The following FMN1 variants were observed in gnomAD, a reference collection of about 807,000 sequenced individuals.
FMN1 encodes formin 1, also known as formin-1.
In FMN1, 110 loss-of-function variants were observed where a neutral mutation model predicts 132.4. That is an observed-to-expected ratio of 0.83 (90% confidence interval 0.71 to 0.97). The LOEUF (loss-of-function observed/expected upper bound fraction) is 0.97. FMN1 is among the 50% of genes least tolerant of loss of function. The probability of loss-of-function intolerance (pLI) is 0.00; values close to 1 mark genes in which losing one functional copy is unlikely to be tolerated. For missense variants in FMN1, 1,792 were observed against 1,705.3 expected, an observed-to-expected ratio of 1.05 and a Z score of -0.90; for synonymous variants, 722 against 651.7, an observed-to-expected ratio of 1.11 and a Z score of -1.64.
intron 6 of FMN1, among the ~76,000 whole-genome samples, chr15:33,061,084 G>A (rs1270541890): frequency 6.6e-6 from 1 of 152,202 alleles, no homozygotes; most frequent in Non-Finnish European, 1.5e-5. Flanking sequence ...GTGGGGTGGG[G>A]TAGAGGACCT....
At chr15:33,132,127 T>A (rs529489318) in intron 4 of FMN1, among the ~76,000 whole-genome samples, 1 of 152,226 alleles carries the variant, frequency 6.6e-6, no homozygotes, top group African/African-American at 2.4e-5. Flanking sequence ...TTTTCCCTCC[T>A]TTCTTTATTC....
At chr15:32,815,419 T>G (rs186418014) in intron 17 of FMN1, among the ~76,000 whole-genome samples, 1,804 of 152,264 alleles carry the variant, frequency 0.012, 14 homozygotes, top group Non-Finnish European at 0.019. Flanking sequence ...GGGTTTCCCA[T>G]AACTGCCTCT....
At chr15:32,895,392 C>T (rs1211150443) in intron 15 of FMN1, among the ~76,000 whole-genome samples, 1 of 151,660 alleles carries the variant, frequency 6.6e-6, no homozygotes, top group Non-Finnish European at 1.5e-5. Flanking sequence ...ACCTTGCTTG[C>T]CCATAAAGCA....
chr15:32,784,410 G>A (rs1178200057), intron 19 of FMN1, among the ~76,000 whole-genome samples: 1 of 77,462 alleles, frequency 1.3e-5, no homozygotes. Flanking sequence ...AAGCTCCTAG[G>A]GGGAAAAACA....
At chr15:32,934,505 A>G (rs570453487) in intron 9 of FMN1, among the ~76,000 whole-genome samples, 7 of 149,940 alleles carry the variant, frequency 4.7e-5, no homozygotes, top group Non-Finnish European at 1.0e-4. Flanking sequence ...TTCCTGTATC[A>G]TTTCTTGTAA....
intron 3 of FMN1, among the ~76,000 whole-genome samples, chr15:33,165,615 T>A (rs1338950449): frequency 6.6e-6 from 1 of 152,148 alleles, no homozygotes; most frequent in African/African-American, 2.4e-5. Flanking sequence ...ATGGTCTCAA[T>A]CTTCTTACCT....
At chr15:32,906,965 C>G (rs2060440926) in intron 12 of FMN1, among the ~76,000 whole-genome samples, 1 of 152,104 alleles carries the variant, frequency 6.6e-6, no homozygotes, top group Non-Finnish European at 1.5e-5. Context: ...TGAGTAAACC[C>G]AGAATTCTCT....
At chr15:32,997,196 T>C (rs2033822368) in intron 7 of FMN1, among the ~76,000 whole-genome samples, 1 of 151,992 alleles carries the variant, frequency 6.6e-6, no homozygotes, top group South Asian at 2.1e-4. Flanking sequence ...GAAAGAGAAA[T>C]TTCCCACCTG....
At chr15:33,002,170 G>A (rs76059544) in intron 7 of FMN1, among the ~76,000 whole-genome samples, 2,709 of 152,306 alleles carry the variant, frequency 0.018, 79 homozygotes, top group African/African-American at 0.062. Flanking sequence ...CATGGTGACA[G>A]AATGAGTCAC....
At chr15:33,127,474 T>C (rs1963205212) in intron 4 of FMN1, among the ~76,000 whole-genome samples, 1 of 152,158 alleles carries the variant, frequency 6.6e-6, no homozygotes, top group Admixed American at 6.5e-5. Flanking sequence ...ACACTAAAAA[T>C]AGGTAACTAT....
At chr15:32,919,853 AG>A (rs1208110851) in intron 10 of FMN1, among the ~76,000 whole-genome samples, 1 of 152,182 alleles carries the variant, frequency 6.6e-6, no homozygotes, top group Non-Finnish European at 1.5e-5. Context: ...GCAATTATTA[AG>A]GCAAAAGGAA....
At chr15:33,041,195 A>G (rs1466686015) in intron 6 of FMN1, among the ~76,000 whole-genome samples, 2 of 152,108 alleles carry the variant, frequency 1.3e-5, no homozygotes, top group African/African-American at 4.8e-5. Flanking sequence ...CAGTAATTAA[A>G]TAATTAAATT....
At position 32,888,059 on chromosome 15, in the gene FMN1, T is replaced by C. The variant is rs545850939; in HGVS notation, c.3835+113A>G. The C allele has an allele frequency of 5.0e-5, 42 of 836,882 alleles. No homozygotes were observed. The South Asian group carries it at 8.3e-4, about 17-fold the overall frequency. The allele number at this position is 836,882 out of a possible 1,614,324, so 51.8% of individuals were successfully genotyped here. A position where few individuals can be genotyped will look rare whatever the true frequency, so the allele number is the denominator to read the frequency against. ...GTTTCCTGAAAGCTGTAGTGTACCA[T>C]TGCTGAACTCTGCACCAATCCCACT... On this transcript the variant is annotated intron_variant, in intron 16 of 20. Transcript: ENST00000616417.
intron 17 of FMN1, among the ~76,000 whole-genome samples, chr15:32,821,666 G>C (rs1433550121): frequency 1.3e-5 from 2 of 151,978 alleles, no homozygotes; most frequent in African/African-American, 4.8e-5. Context: ...TGGCCAGGCT[G>C]TTCTTGAACT....
intron 3 of FMN1, among the ~76,000 whole-genome samples, chr15:33,178,086 G>GA (rs1160746959): frequency 1.3e-5 from 2 of 151,816 alleles, no homozygotes; most frequent in Middle Eastern, 3.2e-3. Context: ...ATGAAAACTA[G>GA]AAAAAAAGCA....
In FMN1 at chr15:32,855,858, C is replaced by G. The variant is rs544131134; in HGVS notation, c.3928+1157G>C. Reference sequence around the variant, plus strand: ...CAGCAATGCATTTTTTGATAAGTCACTTATAAAATCCATCTCCTATAGTCA... The same window carrying G: ...CAGCAATGCATTTTTTGATAAGTCAGTTATAAAATCCATCTCCTATAGTCA... On this transcript the variant is annotated intron_variant, in intron 17 of 20. Coordinates refer to ENST00000616417, the MANE Select transcript of FMN1 (RefSeq NM_001277313.2). Among the ~76,000 whole-genome samples the G allele has an allele frequency of 2.0e-5, 3 of 152,290 alleles. No homozygotes were observed. In the South Asian group the frequency reaches 6.2e-4, roughly 32 times the overall value.
chr15:32,849,912 C>T (rs936446903), intron 17 of FMN1, among the ~76,000 whole-genome samples: 10 of 152,198 alleles, frequency 6.6e-5, no homozygotes, highest in African/African-American at 2.4e-4. Context: ...CTGCCTTGGC[C>T]TCCCAAAGTG....
intron 19 of FMN1, among the ~76,000 whole-genome samples, chr15:32,781,865 C>A (rs2056676611): frequency 6.6e-6 from 1 of 152,184 alleles, no homozygotes; most frequent in Non-Finnish European, 1.5e-5. Context: ...GATCAAGCAT[C>A]TTTTCCTTCA....
chr15:33,193,578 AG>A (rs1966155605), intron 2 of FMN1, among the ~76,000 whole-genome samples: 1 of 152,126 alleles, frequency 6.6e-6, no homozygotes, highest in Non-Finnish European at 1.5e-5. Context: ...GTCTTCTTAA[AG>A]GATTGGGTCT....
Sources: allele counts gnomAD v4.1 joint callset (sites outside exome capture counted in the v4.1 genomes callset), GRCh38; gene constraint gnomAD v4.1.1; transcripts MANE v1.5; gene names NCBI Gene and HGNC (gene_info 2026-07-23, HGNC 2026-07-21).